The following CHD1 variants were observed in gnomAD, a reference collection of about 807,000 sequenced individuals.
CHD1 encodes chromodomain helicase DNA binding protein 1.
A neutral mutation model predicts 224.2 loss-of-function variants in CHD1; 36 were observed. The observed-to-expected ratio is 0.16, with a 90% CI of 0.12 to 0.21. CHD1 has a LOEUF of 0.21. Ranked by LOEUF, CHD1 falls within the 10% of genes least tolerant of loss-of-function variation. The pLI, the probability that CHD1 is intolerant of heterozygous loss-of-function variation, is 1.00. For missense variants in CHD1, 1,378 were observed against 1,994.8 expected (o/e 0.69, Z 5.89); for synonymous variants, 668 against 658.3 (o/e 1.01, Z -0.23).
chr5:98,886,384 C>CTAT (rs774716450), intron 17 of CHD1, among the ~76,000 whole-genome samples: 1 of 152,180 alleles, frequency 6.6e-6, no homozygotes, highest in Non-Finnish European at 1.5e-5. Flanking sequence ...CCTTCATAGA[C>CTAT]TATAGAGAAC....
chr5:98,885,262 C>T (rs1314860384), intron 18 of CHD1, among the ~76,000 whole-genome samples: 4 of 152,046 alleles, frequency 2.6e-5, no homozygotes, highest in Admixed American at 1.3e-4. Context: ...CACAGTGGCA[C>T]GCGCCTGTAA....
In CHD1 at chr5:98,873,793, ACT is replaced by A. The variant is rs1259259160; in HGVS notation, c.3441-72_3441-71del. ...GTGGTGCCATTTAAGATTAAGTTTC[ACT>A]CTATTTCAAGATCTGAATATCACTC... On this transcript the variant is annotated intron_variant, in intron 25 of 35. Coordinates refer to ENST00000614616, the MANE Select transcript of CHD1 (RefSeq NM_001270.4). 4.9e-6 allele frequency: 7 copies of A among 1,414,834 alleles called. No individual in the cohort carries two copies. In the African/African-American group the frequency reaches 1.0e-4, roughly 20 times the overall value. The allele number at this position is 1,414,834 out of a possible 1,614,324, so 87.6% of individuals were successfully genotyped here. A position where few individuals can be genotyped will look rare whatever the true frequency, so the allele number is the denominator to read the frequency against.
At chr5:98,860,388 T>C (rs1748378112) in intron 32 of CHD1, 1 of 328,944 alleles carries the variant, frequency 3.0e-6, no homozygotes, top group South Asian at 2.6e-5. Flanking sequence ...CAGATTCATA[T>C]TGTGATCCTG....
rs776105468 is a variant in CHD1, at chr5:98,858,344, CCTG to C, written c.4620_4622del (p.Ser1540del). 48 of 1,612,846 alleles carry C rather than the reference CCTG, an allele frequency of 3.0e-5. No homozygotes were observed. Among genetic ancestry groups the C allele is most frequent in the Middle Eastern group, 1.6e-4 (1 of 6,080 alleles). On this transcript the variant is annotated inframe_deletion, in exon 35 of 36. Transcript: ENST00000614616. ...AGTGTCTATCAGAGGAATAACTGTC[CCTG>C]CTGCTATCATCGTGATTTGTATTCT...
At chr5:98,915,117 G>GAAGT (rs1257256823) in intron 2 of CHD1, among the ~76,000 whole-genome samples, 1 of 152,134 alleles carries the variant, frequency 6.6e-6, no homozygotes, top group African/African-American at 2.4e-5. Flanking sequence ...ACATCATGAT[G>GAAGT]AAGTATACAC....
chr5:98,911,130 G>GAA (rs11451331), intron 2 of CHD1, among the ~76,000 whole-genome samples: 1,472 of 43,952 alleles, frequency 0.033, 56 homozygotes, highest in Middle Eastern at 0.056. Context: ...GTGCTAAAAT[G>GAA]AAAAAAAAAA....
chr5:98,900,439 AC>A (rs1490915122), intron 7 of CHD1, among the ~76,000 whole-genome samples: 10 of 148,736 alleles, frequency 6.7e-5, no homozygotes, highest in Non-Finnish European at 1.3e-4. Flanking sequence ...TAAATACTTT[AC>A]CTTTTTTTTT....
Position 98,875,635 on chromosome 5 carries a change from G to A in CHD1, c.3399-522C>T, listed in dbSNP as rs187219673. 6.6e-3 allele frequency among the ~76,000 whole-genome samples: 1,006 copies of A among 152,194 alleles called. 4 individuals carry two copies. Among genetic ancestry groups the A allele is most frequent in the South Asian group, 0.018 (86 of 4,822 alleles). On this transcript the variant is annotated intron_variant, in intron 24 of 35. Coordinates refer to ENST00000614616, the MANE Select transcript of CHD1 (RefSeq NM_001270.4). ...TCGAAATGCTTCCTCAACTAAAGACGAAAAGTACAGCAATTCAGGTGGTCA... is the reference window on the plus strand; with the variant it reads ...TCGAAATGCTTCCTCAACTAAAGACAAAAAGTACAGCAATTCAGGTGGTCA...
intron 14 of CHD1, 137 bp from the exon 15 acceptor site, chr5:98,892,850 G>A (rs1236889475): frequency 6.1e-6 from 3 of 489,722 alleles, no homozygotes; most frequent in Non-Finnish European, 7.1e-6. Flanking sequence ...GCTAAACTTA[G>A]TTACCTCTAA....
intron 17 of CHD1, among the ~76,000 whole-genome samples, chr5:98,886,904 T>TTA (rs1234935838): frequency 6.6e-6 from 1 of 152,110 alleles, no homozygotes. Context: ...GAAGTGGCGC[T>TTA]TATTAACACT....
chr5:98,867,795 G>GTTTTTTTTTTTTTTTTTTTTTTTT (rs71619163), intron 31 of CHD1, among the ~76,000 whole-genome samples: 1 of 98,064 alleles, frequency 1.0e-5, no homozygotes. Flanking sequence ...TATCTTCCTT[G>GTTTTTTTTTTTTTTTTTTTTTTTT]TTTTTTTTTT....
At chr5:98,866,514 T>C (rs563844196) in intron 31 of CHD1, among the ~76,000 whole-genome samples, 1 of 152,254 alleles carries the variant, frequency 6.6e-6, no homozygotes, top group African/African-American at 2.4e-5. Flanking sequence ...AAGGACATAA[T>C]GGGTTGAAAA....
rs113838275 is a variant in CHD1 at position 98,920,273 on chromosome 5, C to A, written c.53+6061G>T. Among the ~76,000 whole-genome samples, 849 of 152,184 alleles carry A rather than the reference C, an allele frequency of 5.6e-3. 8 individuals carry two copies. The highest frequency in any genetic ancestry group is 0.019 in the African/African-American group (787 of 41,496). Reference sequence around the variant, plus strand: ...ATGGAATTTAATTCCTATCCCAACCCTCTTGAAAGTAGGCTAGACAAAATG... The same window carrying A: ...ATGGAATTTAATTCCTATCCCAACCATCTTGAAAGTAGGCTAGACAAAATG... On this transcript the variant is annotated intron_variant, in intron 2 of 35. Transcript: ENST00000614616.
chr5:98,927,456 C>T (rs1205725242), intron 1 of CHD1, among the ~76,000 whole-genome samples: 1 of 152,118 alleles, frequency 6.6e-6, no homozygotes, highest in Non-Finnish European at 1.5e-5. Flanking sequence ...TTCACTCCTA[C>T]GATTATTTCC....
chr5:98,885,485 T>C, intron 18 of CHD1, 93 bp downstream of exon 18: 1 of 816,238 alleles, frequency 1.2e-6, no homozygotes, highest in Non-Finnish European at 2.0e-6. Flanking sequence ...TTTATCAAAC[T>C]AGATATGAAG....
In CHD1 at chr5:98,882,959, T is replaced by C. The variant is rs1003945171; in HGVS notation, c.2718+129A>G. ...TTTTGGTAAACCAAGCTCCTCAGTA[T>C]CCTATCGGTTAAACAGTAGTATGAC... On this transcript the variant is annotated intron_variant, in intron 19 of 35. Transcript: ENST00000614616. 1.1e-5 allele frequency: 6 copies of C among 542,418 alleles called. No homozygotes were observed. The Admixed American group carries it at 1.2e-4, about 11-fold the overall frequency. 33.6% of individuals were successfully genotyped at this position (542,418 alleles called of 1,614,324 possible). A position where few individuals can be genotyped will look rare whatever the true frequency, so the allele number is the denominator to read the frequency against.
At position 98,900,868 on chromosome 5, in the gene CHD1, C is replaced by T. The variant is rs2112522239; in HGVS notation, c.802G>A (p.Glu268Lys). The T allele has an allele frequency of 6.2e-7, 1 of 1,613,846 alleles. No individual in the cohort carries two copies. Among genetic ancestry groups the T allele is most frequent in the Non-Finnish European group, 8.5e-7 (1 of 1,179,892 alleles). The change falls in exon 7 of 36, where the codon GAA (glutamate) becomes AAA (lysine). Residue 268 changes from glutamate to lysine, a missense_variant. Around this residue, in one of 16 missense-constraint regions of CHD1, gnomAD observed 40 missense variants for 60.0 expected, o/e 0.67. Transcript: ENST00000614616. ...CTTTCTATGGTTTCAAATTCCTCTT[C>T]CTCAGGTTGAGGAACATCCTCTCCA... ...VCGEDVPQPE[E>K]EEFETIERFM...
chr5:98,903,647 T>C, intron 4 of CHD1, 145 bp downstream of exon 4: 3 of 686,248 alleles, frequency 4.4e-6, no homozygotes, highest in Middle Eastern at 3.6e-4. Flanking sequence ...AAAATCTGTA[T>C]TTCAAGATTC....
At chr5:98,902,056 A>G (rs1751752359) in intron 5 of CHD1, among the ~76,000 whole-genome samples, 1 of 152,144 alleles carries the variant, frequency 6.6e-6, no homozygotes, top group Admixed American at 6.5e-5. Flanking sequence ...TATGATAAAA[A>G]CATAGTAGAA....
Sources: allele counts gnomAD v4.1 joint callset (sites outside exome capture counted in the v4.1 genomes callset), GRCh38; gene constraint gnomAD v4.1.1; regional missense constraint gnomAD v4.1.1; transcripts MANE v1.5; gene names NCBI Gene and HGNC (gene_info 2026-07-23, HGNC 2026-07-21).